Variants in SLIT2 observed in about 807,000 individuals in gnomAD.
SLIT2 encodes the protein slit guidance ligand 2.
A neutral mutation model predicts 185.7 loss-of-function variants in SLIT2; 41 were observed. That is an observed-to-expected ratio of 0.22 (90% CI 0.17 to 0.29). The LOEUF is 0.29. Ranked by LOEUF, SLIT2 falls within the 10% of genes least tolerant of loss-of-function variation. The pLI, the probability that SLIT2 is intolerant of heterozygous loss-of-function variation, is 1.00. For missense variants in SLIT2, 1,571 were observed against 1,909.0 expected, an observed-to-expected ratio of 0.82 and a Z score of 3.30; for synonymous variants, 693 against 680.2, an observed-to-expected ratio of 1.02 and a Z score of -0.29.
intron 4 of SLIT2, among the ~76,000 whole-genome samples, chr4:20,401,362 G>A (rs1363578299): frequency 6.6e-6 from 1 of 151,866 alleles, no homozygotes; most frequent in Non-Finnish European, 1.5e-5. Flanking sequence ...TACCTCCAAA[G>A]CAAGAGCCAG....
chr4:20,291,029 A>G (rs1385248101), intron 4 of SLIT2, among the ~76,000 whole-genome samples: 3 of 151,820 alleles, frequency 2.0e-5, no homozygotes, highest in South Asian at 2.1e-4. Context: ...CATCCTGTTA[A>G]TGTGGTCAGC....
rs773556995 is a variant in SLIT2 at position 20,542,613 on chromosome 4, G to A, written c.2263G>A (p.Asp755Asn). 2 of 1,613,734 alleles carry A rather than the reference G, an allele frequency of 1.2e-6. No individual in the cohort carries two copies. The highest frequency in any genetic ancestry group is 1.7e-5 in the Admixed American group (1 of 60,002). Residue 755 changes from aspartate to asparagine, a missense_variant, in exon 21 of 37, where the codon GAT becomes AAT. Physicochemically the swap from Asp to Asn is conservative, Grantham distance 23. Coordinates refer to ENST00000504154, the MANE Select transcript of SLIT2 (RefSeq NM_004787.4). ...GGTCTTGCCGAAAGGTATTCCAAGAGATGTCACAGAGTTGTAAGTAGAGCT... is the reference window on the plus strand; with the variant it reads ...GGTCTTGCCGAAAGGTATTCCAAGAAATGTCACAGAGTTGTAAGTAGAGCT... ...LKVLPKGIPRDVTELYLDGNQ... is the reference protein window; with the variant it reads ...LKVLPKGIPRNVTELYLDGNQ...
intron 3 of SLIT2, among the ~76,000 whole-genome samples, chr4:20,263,354 A>C (rs1712694073): frequency 6.6e-6 from 1 of 151,836 alleles, no homozygotes; most frequent in Non-Finnish European, 1.5e-5. Context: ...ATATTTACAG[A>C]AAATTATTTG....
At chr4:20,588,881 A>G (rs546401475) in intron 29 of SLIT2, among the ~76,000 whole-genome samples, 1 of 152,138 alleles carries the variant, frequency 6.6e-6, no homozygotes, top group Non-Finnish European at 1.5e-5. Context: ...TGGAAAAAAT[A>G]TATGTTCCCT....
intron 13 of SLIT2, 41 bp downstream of exon 13, chr4:20,523,944 T>C: frequency 6.2e-7 from 1 of 1,612,888 alleles, no homozygotes; most frequent in Non-Finnish European, 8.5e-7. Context: ...TGACATTGTT[T>C]CCTCTCTGAA....
chr4:20,530,949 C>A (rs1156578968), intron 16 of SLIT2, among the ~76,000 whole-genome samples: 1 of 150,920 alleles, frequency 6.6e-6, no homozygotes, highest in Non-Finnish European at 1.5e-5. Flanking sequence ...CCATTTTAGA[C>A]CCACTGGAAT....
At chr4:20,307,134 TCCTCCCTCCCTC>T (rs1194947629) in intron 4 of SLIT2, among the ~76,000 whole-genome samples, 1 of 29,416 alleles carries the variant, frequency 3.4e-5, no homozygotes, top group African/African-American at 1.4e-4. Context: ...TTCCCTCCCT[TCCTCCCTCCCTC>T]CCTCCCTCCC....
Position 20,529,111 on chromosome 4 carries a change from C to T in SLIT2, c.1613+12C>T, listed in dbSNP as rs368765680. Reference sequence around the variant, plus strand: ...TACACTGCAGAGTTGTAAGTTCATCCCCCAACAAAATTCTGGTTGGGATGG... The same window carrying T: ...TACACTGCAGAGTTGTAAGTTCATCTCCCAACAAAATTCTGGTTGGGATGG... On this transcript the variant is annotated intron_variant, in intron 16 of 36. Transcript: ENST00000504154. 6.4e-6 allele frequency: 10 copies of T among 1,564,672 alleles called. No individual in the cohort carries two copies. In the African/African-American group the frequency reaches 9.4e-5, roughly 15 times the overall value.
At chr4:20,499,486 TTTTG>T (rs1156722699) in intron 9 of SLIT2, among the ~76,000 whole-genome samples, 16 of 152,062 alleles carry the variant, frequency 1.1e-4, no homozygotes, top group Admixed American at 5.2e-4. Flanking sequence ...TGACTTTGTT[TTTTG>T]TTTGTTTGTT....
Position 20,529,117 on chromosome 4 carries a change from C to G in SLIT2, c.1613+18C>G. 1 of 1,562,686 alleles carries G rather than the reference C, an allele frequency of 6.4e-7. No individual in the cohort carries two copies. The highest frequency in any genetic ancestry group is 1.7e-4 in the Middle Eastern group (1 of 5,830). ...GCAGAGTTGTAAGTTCATCCCCCAA[C>G]AAAATTCTGGTTGGGATGGAGGGAA... On this transcript the variant is annotated intron_variant, in intron 16 of 36. Coordinates refer to ENST00000504154, the MANE Select transcript of SLIT2 (RefSeq NM_004787.4).
rs1402965584 is a variant in SLIT2, at chr4:20,528,150, A to G, written c.1463-799A>G. 2 of 464,124 alleles carry G rather than the reference A, an allele frequency of 4.3e-6. No homozygotes were observed. The highest frequency in any genetic ancestry group is 2.0e-5 in the African/African-American group (1 of 49,814). 28.8% of individuals were successfully genotyped at this position (464,124 alleles called of 1,614,324 possible). A position where few individuals can be genotyped will look rare whatever the true frequency, so the allele number is the denominator to read the frequency against. ...CGGTAGTAATACTCTTACTGTGGTC[A>G]TAAACATTCTGCGGGAAGAATGCAT... On this transcript the variant is annotated intron_variant, in intron 15 of 36. Transcript: ENST00000504154. The surrounding 1 kb of genome is among the most constrained non-coding windows in gnomAD (Gnocchi z 4.2).
At chr4:20,588,760 A>G (rs1039680703) in intron 29 of SLIT2, among the ~76,000 whole-genome samples, 2 of 152,228 alleles carry the variant, frequency 1.3e-5, no homozygotes, top group African/African-American at 4.8e-5. Flanking sequence ...AAATTTTCTA[A>G]AGAAATTATC....
chr4:20,552,811 A>G lies in SLIT2; in HGVS notation c.2562-994A>G, dbSNP rs944289760. 11 of 152,320 alleles carry G rather than the reference A, an allele frequency of 7.2e-5. No individual in the cohort carries two copies. In the South Asian group the frequency reaches 1.2e-3, roughly 17 times the overall value. The allele number at this position is 152,320 out of a possible 1,614,324, so 9.4% of individuals were successfully genotyped here. On this transcript the variant is annotated intron_variant, in intron 25 of 36. Transcript: ENST00000504154. ...AGCTAATTGTAAATCAGAAGTAAGC[A>G]GTTTTTAAATGCCATTGTATGCATC... is the stretch of plus-strand genomic sequence containing the variant.
At chr4:20,590,461 A>C (rs1727434917) in intron 30 of SLIT2, among the ~76,000 whole-genome samples, 1 of 152,204 alleles carries the variant, frequency 6.6e-6, no homozygotes. Flanking sequence ...TGGACTATCC[A>C]AGGTGAGAAA....
Position 20,619,121 on chromosome 4 carries a change from A to G in SLIT2, c.*112A>G. On this transcript the variant is annotated 3_prime_UTR_variant, in exon 37 of 37. Transcript: ENST00000504154. ...TGAAATATATTGTAAAATACAGAAC[A>G]GACTTATTTTTATTATGAGAATAAA... is the stretch of plus-strand genomic sequence containing the variant. 9 of 1,114,386 alleles carry G rather than the reference A, an allele frequency of 8.1e-6. No homozygotes were observed. Among genetic ancestry groups the G allele is most frequent in the Non-Finnish European group, 1.1e-5 (9 of 809,780 alleles). The allele number at this position is 1,114,386 out of a possible 1,614,324, so 69.0% of individuals were successfully genotyped here.
chr4:20,531,759 T>G (rs552332066), intron 16 of SLIT2, among the ~76,000 whole-genome samples: 71 of 146,760 alleles, frequency 4.8e-4, no homozygotes, highest in South Asian at 6.5e-4. Context: ...ATCTTTGTGT[T>G]TTTTTTTTTT....
intron 4 of SLIT2, among the ~76,000 whole-genome samples, chr4:20,370,423 T>G (rs960819931): frequency 6.6e-6 from 1 of 152,128 alleles, no homozygotes. Flanking sequence ...AGGAGAAACA[T>G]CTGGTGCTTT....
intron 4 of SLIT2, among the ~76,000 whole-genome samples, chr4:20,344,971 G>C (rs368125731): frequency 1.1e-4 from 16 of 152,224 alleles, no homozygotes; most frequent in African/African-American, 3.9e-4. Flanking sequence ...GTATGTAATA[G>C]AAGCTCTATA....
At chr4:20,265,944 T>C (rs1185608607) in intron 3 of SLIT2, among the ~76,000 whole-genome samples, 1 of 151,910 alleles carries the variant, frequency 6.6e-6, no homozygotes, top group Non-Finnish European at 1.5e-5. Flanking sequence ...CATACCACCT[T>C]TATTCAGGCC....
Sources: allele counts gnomAD v4.1 joint callset (sites outside exome capture counted in the v4.1 genomes callset), GRCh38; gene constraint gnomAD v4.1.1; non-coding constraint Gnocchi (gnomAD v3.1); transcripts MANE v1.5; gene names NCBI Gene and HGNC (gene_info 2026-07-23, HGNC 2026-07-21).